KLF8: variants seen among roughly 807,000 people sequenced by gnomAD.
The protein encoded by KLF8 is Krueppel-like factor 8.
In KLF8, 10 loss-of-function variants were observed where a neutral mutation model predicts 18.2. The ratio of observed to expected loss-of-function variants is 0.55; its 90% CI spans 0.34 to 0.93. The LOEUF is 0.93. KLF8 is among the 40% of genes least tolerant of loss of function. KLF8 has a pLI of 0.02. For synonymous variants in KLF8, 109 were observed against 97.3 expected (o/e 1.12, Z -0.71); for missense variants, 264 against 277.9 (o/e 0.95, Z 0.36).
the KLF8 span, among the ~76,000 whole-genome samples, chrX:56,050,797 A>T: frequency 0.014 from 1,555 of 110,571 alleles, 21 homozygotes; most frequent in Non-Finnish European, 0.021. Flanking sequence ...CTTGGTGCAG[A>T]GCTGAGTTCA....
At chrX:56,161,476 C>G in the KLF8 span, among the ~76,000 whole-genome samples, 2 of 111,550 alleles carry the variant, frequency 1.8e-5, no homozygotes, top group African/African-American at 3.3e-5. Context: ...TCTTTTTATT[C>G]TTTTTTCTCT....
At position 56,246,505 on chromosome X, in the gene KLF8, C is replaced by T. The variant is rs138974851; in HGVS notation, c.8-3726C>T. On this transcript the variant is annotated intron_variant, in intron 1 of 5. Transcript: ENST00000468660. ...CTGTGACCTGGTACTATAATTATTC[C>T]CATTTTACAGATGAGAAAACAGACA... Among the ~76,000 whole-genome samples the T allele has an allele frequency of 9.4e-3, 1,047 of 111,355 alleles. 6 individuals carry two copies. Among genetic ancestry groups the T allele is most frequent in the African/African-American group, 0.032 (992 of 30,646 alleles).
intron 5 of KLF8, 60 bp downstream of exon 5, chrX:56,270,381 CGAGAGAGAGAGAGAG>C: frequency 2.6e-6 from 2 of 779,218 alleles, no homozygotes. Flanking sequence ...CACACACACA[CGAGAGAGAGAGAGAG>C]AGAGGGGCAG....
At chrX:55,919,221 A>C in the KLF8 span, among the ~76,000 whole-genome samples, 2 of 111,812 alleles carry the variant, frequency 1.8e-5, no homozygotes, top group Non-Finnish European at 3.8e-5. Flanking sequence ...CCCAAAATAC[A>C]ATGGAGTTTT....
the KLF8 span, among the ~76,000 whole-genome samples, chrX:55,992,400 A>G: frequency 1.8e-5 from 2 of 112,033 alleles, no homozygotes; most frequent in Non-Finnish European, 1.9e-5. Context: ...TCAAGGTCAG[A>G]TGACTGTAGG....
the KLF8 span, among the ~76,000 whole-genome samples, chrX:56,047,827 T>C: frequency 8.9e-6 from 1 of 111,743 alleles, no homozygotes; most frequent in Non-Finnish European, 1.9e-5. Context: ...TCTAGATCCC[T>C]GAGGAATAGC....
At chrX:56,082,030 T>C in the KLF8 span, among the ~76,000 whole-genome samples, 1 of 111,582 alleles carries the variant, frequency 9.0e-6, no homozygotes, top group Non-Finnish European at 1.9e-5. Flanking sequence ...TGGATTAGTG[T>C]TGATTCTCTT....
At chrX:55,922,568 T>C in the KLF8 span, among the ~76,000 whole-genome samples, 1 of 112,266 alleles carries the variant, frequency 8.9e-6, no homozygotes, top group African/African-American at 3.2e-5. Flanking sequence ...TGGAACACTT[T>C]TACCTATGTA....
the KLF8 span, among the ~76,000 whole-genome samples, chrX:56,139,479 A>G: frequency 1.8e-5 from 2 of 111,860 alleles, no homozygotes; most frequent in East Asian, 5.6e-4. Flanking sequence ...AACAGAATGG[A>G]GAACCCAGAA....
chrX:56,095,286 T>G, the KLF8 span, among the ~76,000 whole-genome samples: 1 of 112,371 alleles, frequency 8.9e-6, no homozygotes, highest in African/African-American at 3.2e-5. Flanking sequence ...AGAATGAAAC[T>G]GGAACCCTAT....
chrX:55,932,300 G>T, the KLF8 span, among the ~76,000 whole-genome samples: 2 of 110,407 alleles, frequency 1.8e-5, no homozygotes, highest in Non-Finnish European at 3.8e-5. Context: ...ACAGCACAAT[G>T]TTGGGTCTTG....
At chrX:56,221,461 G>A in the KLF8 span, among the ~76,000 whole-genome samples, 1 of 112,037 alleles carries the variant, frequency 8.9e-6, no homozygotes, top group African/African-American at 3.2e-5. Flanking sequence ...GTGGGTTCTT[G>A]GTCTCACTGA....
At chrX:56,182,603 A>T in the KLF8 span, among the ~76,000 whole-genome samples, 7 of 112,009 alleles carry the variant, frequency 6.2e-5, no homozygotes, top group Non-Finnish European at 1.3e-4. Flanking sequence ...TTGTGGTTTT[A>T]TCTACCTTTG....
At chrX:56,035,376 C>G in the KLF8 span, among the ~76,000 whole-genome samples, 1 of 112,153 alleles carries the variant, frequency 8.9e-6, no homozygotes, top group African/African-American at 3.2e-5. Context: ...TGTTCTTAGA[C>G]ACTTAGGTCA....
the KLF8 span, among the ~76,000 whole-genome samples, chrX:56,184,006 G>T: frequency 9.0e-6 from 1 of 111,290 alleles, no homozygotes; most frequent in Admixed American, 9.5e-5. Flanking sequence ...ACTAGGGAGT[G>T]CCAGACAGTT....
the KLF8 span, among the ~76,000 whole-genome samples, chrX:56,187,462 T>C: frequency 6.3e-5 from 7 of 111,784 alleles, no homozygotes; most frequent in Non-Finnish European, 1.3e-4. Context: ...GAACTGGTAC[T>C]ATTCCTTCTG....
the KLF8 span, among the ~76,000 whole-genome samples, chrX:56,061,925 C>A: frequency 9.5e-6 from 1 of 104,812 alleles, no homozygotes; most frequent in Non-Finnish European, 1.9e-5. Flanking sequence ...ATGTTCTTGG[C>A]CTTTTTTGAT....
chrX:56,156,677 C>G, the KLF8 span, among the ~76,000 whole-genome samples: 1 of 108,706 alleles, frequency 9.2e-6, no homozygotes, highest in Admixed American at 1.0e-4. Flanking sequence ...CACCCATTCA[C>G]TCATCATTTA....
the KLF8 span, among the ~76,000 whole-genome samples, chrX:55,915,014 CT>C: frequency 9.0e-6 from 1 of 110,957 alleles, no homozygotes; most frequent in African/African-American, 3.3e-5. Context: ...AGAAAAATTA[CT>C]GGGACCAGAA....
Sources: allele counts gnomAD v4.1 joint callset (sites outside exome capture counted in the v4.1 genomes callset), GRCh38; gene constraint gnomAD v4.1.1; transcripts MANE v1.5; gene names NCBI Gene and HGNC (gene_info 2026-07-23, HGNC 2026-07-21).